CSGALNACT1: variants seen among roughly 807,000 people sequenced by gnomAD.
CSGALNACT1 encodes the protein chondroitin sulfate N-acetylgalactosaminyltransferase 1.
A neutral mutation model predicts 51.0 loss-of-function variants in CSGALNACT1; 52 were observed. That is an observed-to-expected ratio of 1.02 (90% CI 0.82 to 1.29). CSGALNACT1 has a LOEUF of 1.29. Ranked by LOEUF, CSGALNACT1 falls within the 50% of genes most tolerant of loss-of-function variation. The probability of loss-of-function intolerance (pLI) is 0.00; values close to 1 mark genes in which losing one functional copy is unlikely to be tolerated. For synonymous variants in CSGALNACT1, 341 were observed against 254.4 expected (o/e 1.34, Z -3.24); for missense variants, 935 against 679.2 (o/e 1.38, Z -4.19).
At chr8:19,489,570 C>A (rs2073904383) in intron 4 of CSGALNACT1, among the ~76,000 whole-genome samples, 1 of 152,120 alleles carries the variant, frequency 6.6e-6, no homozygotes, top group African/African-American at 2.4e-5. Flanking sequence ...AGGCAACGTG[C>A]TTAATATTAG....
intron 1 of CSGALNACT1, among the ~76,000 whole-genome samples, chr8:19,638,900 T>C (rs1278071202): frequency 1.3e-5 from 2 of 152,160 alleles, no homozygotes; most frequent in East Asian, 3.9e-4. Context: ...ACATCAAAGT[T>C]ACAACTTCCA....
chr8:19,487,338 C>T (rs1270588299), intron 4 of CSGALNACT1, among the ~76,000 whole-genome samples: 1 of 152,174 alleles, frequency 6.6e-6, no homozygotes, highest in Non-Finnish European at 1.5e-5. Context: ...TGTCGTCTTT[C>T]TCTTACTGCT....
intron 1 of CSGALNACT1, among the ~76,000 whole-genome samples, chr8:19,707,788 G>A (rs958278801): frequency 6.6e-6 from 1 of 152,060 alleles, no homozygotes; most frequent in African/African-American, 2.4e-5. Flanking sequence ...ATCACTTGAG[G>A]TCAGGAGATC....
At chr8:19,711,073 T>C (rs2062477482) in intron 1 of CSGALNACT1, among the ~76,000 whole-genome samples, 1 of 152,232 alleles carries the variant, frequency 6.6e-6, no homozygotes, top group Non-Finnish European at 1.5e-5. Flanking sequence ...TATTCATTTT[T>C]TTCTTAATTT....
chr8:19,518,816 T>C (rs564280132), intron 3 of CSGALNACT1, among the ~76,000 whole-genome samples: 2 of 152,136 alleles, frequency 1.3e-5, no homozygotes, highest in Non-Finnish European at 2.9e-5. Context: ...AGTGTAGACA[T>C]CAGCCACAAG....
intron 1 of CSGALNACT1, chr8:19,642,019 T>C (rs1452780848): frequency 1.3e-5 from 2 of 152,194 alleles, no homozygotes; most frequent in African/African-American, 4.8e-5. Context: ...CTGATGTCTG[T>C]GTCTAACTGG....
chr8:19,419,346 C>A (rs1210773121), intron 7 of CSGALNACT1, among the ~76,000 whole-genome samples: 1 of 152,204 alleles, frequency 6.6e-6, no homozygotes, highest in Non-Finnish European at 1.5e-5. Flanking sequence ...GGTGCCCCAG[C>A]CCCGCCAAAC....
intron 1 of CSGALNACT1, among the ~76,000 whole-genome samples, chr8:19,661,913 CT>C (rs2058768897): frequency 6.6e-6 from 1 of 152,170 alleles, no homozygotes; most frequent in Non-Finnish European, 1.5e-5. Context: ...ACCAAGACTT[CT>C]CCTTCATCCT....
At chr8:19,686,646 A>G (rs1173674582), upstream of CSGALNACT1, among the ~76,000 whole-genome samples, 1 of 152,210 alleles carries the variant, frequency 6.6e-6, no homozygotes. Context: ...GGCCACATAG[A>G]ACTTCAATTC....
chr8:19,672,394 G>A (rs187853683), intron 1 of CSGALNACT1, among the ~76,000 whole-genome samples: 32 of 152,254 alleles, frequency 2.1e-4, no homozygotes, highest in Non-Finnish European at 3.8e-4. Flanking sequence ...TACAGCCAGG[G>A]AGATGCCTGG....
At chr8:19,657,934 T>C (rs1302206439) in intron 1 of CSGALNACT1, among the ~76,000 whole-genome samples, 1 of 152,120 alleles carries the variant, frequency 6.6e-6, no homozygotes, top group Non-Finnish European at 1.5e-5. Flanking sequence ...GACTCAGGCA[T>C]CAGCTTGGTG....
At chr8:19,605,629 G>A (rs958016951), upstream of CSGALNACT1, among the ~76,000 whole-genome samples, 1 of 152,072 alleles carries the variant, frequency 6.6e-6, no homozygotes, top group South Asian at 2.1e-4. Flanking sequence ...GTAAGAGGAG[G>A]CAGGATGTGC....
chr8:19,639,006 A>T (rs1457496707), intron 1 of CSGALNACT1, among the ~76,000 whole-genome samples: 2 of 152,102 alleles, frequency 1.3e-5, no homozygotes, highest in East Asian at 3.9e-4. Context: ...TTTATGGCTC[A>T]CCAATAAAGA....
At chr8:19,456,281 T>C (rs60518737) in intron 5 of CSGALNACT1, among the ~76,000 whole-genome samples, 5,003 of 152,262 alleles carry the variant, frequency 0.033, 192 homozygotes, top group East Asian at 0.19. Context: ...GGACTTGTCC[T>C]TTCACCGAGC....
At chr8:19,727,539 T>A (rs7831059) in intron 1 of CSGALNACT1, among the ~76,000 whole-genome samples, 3 of 152,004 alleles carry the variant, frequency 2.0e-5, no homozygotes, top group Non-Finnish European at 4.4e-5. Context: ...TGTGTAGAGA[T>A]GGGGTTTCAA....
At chr8:19,643,343 G>A (rs756643171) in intron 1 of CSGALNACT1, among the ~76,000 whole-genome samples, 7 of 152,120 alleles carry the variant, frequency 4.6e-5, no homozygotes, top group African/African-American at 9.7e-5. Context: ...AGATTAAAAA[G>A]TAGGGAGCTT....
upstream of CSGALNACT1, among the ~76,000 whole-genome samples, chr8:19,685,159 C>T (rs911285291): frequency 2.6e-5 from 4 of 152,158 alleles, no homozygotes; most frequent in African/African-American, 7.2e-5. Context: ...GCAATAAAAA[C>T]CTGACGAAGC....
chr8:19,536,693 T>A (rs779476567), intron 3 of CSGALNACT1, among the ~76,000 whole-genome samples: 58 of 152,300 alleles, frequency 3.8e-4, no homozygotes, highest in Middle Eastern at 3.4e-3. Flanking sequence ...GCAAAAGAGC[T>A]AGAACAGCAA....
rs34787475 is a variant in CSGALNACT1, at chr8:19,525,615, C to CAAAAAAA, written c.-296-19492_-296-19486dup. On this transcript the variant is annotated intron_variant, in intron 3 of 9. Transcript: ENST00000454498. ...CTGGCTGACAGAGGGAAACTTGTCC[C>CAAAAAAA]AAAAAAAAAAAAAAAAAAAAAAAAA... Among the ~76,000 whole-genome samples the CAAAAAAA allele has an allele frequency of 5.2e-3, 106 of 20,392 alleles. 21 individuals carry two copies. Among genetic ancestry groups the CAAAAAAA allele is most frequent in the African/African-American group, 7.0e-3 (43 of 6,100 alleles). The allele number at this position is 20,392 out of a possible 152,430, so 13.4% of individuals were successfully genotyped here. A position where few individuals can be genotyped will look rare whatever the true frequency, so the allele number is the denominator to read the frequency against.
Sources: allele counts gnomAD v4.1 joint callset (sites outside exome capture counted in the v4.1 genomes callset), GRCh38; gene constraint gnomAD v4.1.1; transcripts MANE v1.5; gene names NCBI Gene and HGNC (gene_info 2026-07-23, HGNC 2026-07-21).